The following TTC28 variants were observed in gnomAD, a reference collection of about 807,000 sequenced individuals.
TTC28 encodes the protein tetratricopeptide repeat protein 28.
In TTC28, 61 loss-of-function variants were observed where a neutral mutation model predicts 198.0. That is an observed-to-expected ratio of 0.31 (90% CI 0.25 to 0.38). TTC28 has a LOEUF of 0.38. Among genes scored for constraint, TTC28 ranks in the 10% least tolerant of loss-of-function variants. The pLI is 1.00. For synonymous variants in TTC28, 1,171 were observed against 1,297.8 expected (o/e 0.90, Z 2.10); for missense variants, 2,678 against 3,164.0 (o/e 0.85, Z 3.69).
At chr22:28,621,448 C>T (rs1468318114) in intron 2 of TTC28, among the ~76,000 whole-genome samples, 1 of 151,794 alleles carries the variant, frequency 6.6e-6, no homozygotes, top group East Asian at 1.9e-4. Flanking sequence ...GGCCTCATGG[C>T]TCATGACTAT....
chr22:28,363,894 T>C (rs1179488138), intron 2 of TTC28, among the ~76,000 whole-genome samples: 1 of 152,218 alleles, frequency 6.6e-6, no homozygotes, highest in Non-Finnish European at 1.5e-5. Flanking sequence ...CCATTATATC[T>C]AGGAAGTAAC....
At chr22:28,381,907 C>T (rs78804403) in intron 2 of TTC28, among the ~76,000 whole-genome samples, 5,991 of 152,192 alleles carry the variant, frequency 0.039, 151 homozygotes, top group East Asian at 0.054. Context: ...TCTCTTCAAT[C>T]TCCATGCTAC....
chr22:28,206,596 T>C (rs1238610689), intron 5 of TTC28, among the ~76,000 whole-genome samples: 3 of 152,192 alleles, frequency 2.0e-5, no homozygotes, highest in African/African-American at 7.2e-5. Context: ...TTGTAGTAGA[T>C]GAGCTCTGAT....
rs71194779 is a variant in TTC28 at position 28,590,034 on chromosome 22, C to CAAAAAAAAAA, written c.381+39508_381+39517dup. Among the ~76,000 whole-genome samples, 37 of 68,054 alleles carry CAAAAAAAAAA rather than the reference C, an allele frequency of 5.4e-4. 1 individual carries two copies. The highest frequency in any genetic ancestry group is 1.6e-3 in the African/African-American group (16 of 9,742). 44.6% of individuals were successfully genotyped at this position (68,054 alleles called of 152,430 possible). A position where few individuals can be genotyped will look rare whatever the true frequency, so the allele number is the denominator to read the frequency against. On this transcript the variant is annotated intron_variant, in intron 2 of 22. Coordinates refer to ENST00000397906, the MANE Select transcript of TTC28 (RefSeq NM_001145418.2). ...CCTGGGCAACAGAACAAGACTCCATCAAAAAAAAAAAAAAAAAAAAAAAAA... is the reference window on the plus strand; with the variant it reads ...CCTGGGCAACAGAACAAGACTCCATCAAAAAAAAAAAAAAAAAAAAAAAAAAAAAAAAAAA...
intron 2 of TTC28, among the ~76,000 whole-genome samples, chr22:28,326,975 A>AACACACACACACACAC (rs57349023): frequency 1.4e-5 from 2 of 142,840 alleles, no homozygotes; most frequent in Admixed American, 7.0e-5. Context: ...CACAAACACA[A>AACACACACACACACAC]ACACACACAC....
At chr22:28,505,922 T>G (rs954658575) in intron 2 of TTC28, among the ~76,000 whole-genome samples, 3 of 152,154 alleles carry the variant, frequency 2.0e-5, no homozygotes, top group African/African-American at 7.2e-5. Flanking sequence ...GGCCACCGTC[T>G]CCGTGGTTCA....
At chr22:28,158,447 G>C (rs1372411457) in intron 6 of TTC28, among the ~76,000 whole-genome samples, 1 of 152,050 alleles carries the variant, frequency 6.6e-6, no homozygotes, top group Non-Finnish European at 1.5e-5. Context: ...ACCCAGAATA[G>C]CCAAAGCTAT....
intron 1 of TTC28, among the ~76,000 whole-genome samples, chr22:28,658,470 A>G (rs2051693448): frequency 6.6e-6 from 1 of 152,232 alleles, no homozygotes; most frequent in Non-Finnish European, 1.5e-5. Flanking sequence ...ATGATTTGAA[A>G]CATGGCAGCA....
At chr22:28,322,062 C>G (rs2045455166) in intron 2 of TTC28, among the ~76,000 whole-genome samples, 1 of 152,084 alleles carries the variant, frequency 6.6e-6, no homozygotes, top group Non-Finnish European at 1.5e-5. Context: ...GAACTTGTGA[C>G]CCTGTGATCT....
intron 2 of TTC28, among the ~76,000 whole-genome samples, chr22:28,430,746 CAGTT>C (rs746678392): frequency 6.6e-6 from 1 of 151,990 alleles, no homozygotes; most frequent in Non-Finnish European, 1.5e-5. Context: ...GGAGAAAAAC[CAGTT>C]ACTCATTGGG....
chr22:28,601,646 G>C (rs1261677705), intron 2 of TTC28, among the ~76,000 whole-genome samples: 1 of 151,996 alleles, frequency 6.6e-6, no homozygotes, highest in Non-Finnish European at 1.5e-5. Context: ...GGAGGTCCTG[G>C]AACCAATCTC....
At chr22:28,266,124 G>A (rs1034538129) in intron 5 of TTC28, among the ~76,000 whole-genome samples, 7 of 150,344 alleles carry the variant, frequency 4.7e-5, no homozygotes, top group Admixed American at 1.3e-4. Context: ...AGGTTGCAGT[G>A]AGCCAAGATC....
intron 2 of TTC28, among the ~76,000 whole-genome samples, chr22:28,452,116 G>A (rs187469330): frequency 1.6e-3 from 244 of 152,132 alleles, no homozygotes; most frequent in African/African-American, 5.4e-3. Context: ...CTGGCCAGGC[G>A]CGATGGCTCA....
At chr22:28,131,456 T>C (rs1943058176) in intron 6 of TTC28, among the ~76,000 whole-genome samples, 1 of 152,252 alleles carries the variant, frequency 6.6e-6, no homozygotes, top group Non-Finnish European at 1.5e-5. Flanking sequence ...CACCGTAGCA[T>C]GCTGGTTGTT....
intron 2 of TTC28, among the ~76,000 whole-genome samples, chr22:28,618,936 A>G (rs1236869667): frequency 6.6e-6 from 1 of 152,078 alleles, no homozygotes; most frequent in East Asian, 1.9e-4. Flanking sequence ...TAAACTATTC[A>G]CAAGCATATA....
At chr22:28,377,325 C>T (rs2046428113) in intron 2 of TTC28, among the ~76,000 whole-genome samples, 1 of 149,812 alleles carries the variant, frequency 6.7e-6, no homozygotes, top group African/African-American at 2.4e-5. Context: ...AAGCAATCCT[C>T]CTACCTCAGC....
At chr22:28,610,280 T>C (rs1025237580) in intron 2 of TTC28, among the ~76,000 whole-genome samples, 1 of 152,178 alleles carries the variant, frequency 6.6e-6, no homozygotes, top group Admixed American at 6.5e-5. Context: ...CTGACTCCCA[T>C]GTGTCCTGAC....
intron 2 of TTC28, among the ~76,000 whole-genome samples, chr22:28,351,137 G>A (rs188833963): frequency 7.9e-5 from 12 of 151,936 alleles, no homozygotes; most frequent in African/African-American, 1.5e-4. Context: ...AGCCGAGATC[G>A]TGCCACTGCA....
chr22:28,031,887 A>T (rs991891845), intron 12 of TTC28, among the ~76,000 whole-genome samples: 1 of 152,018 alleles, frequency 6.6e-6, no homozygotes, highest in African/African-American at 2.4e-5. Flanking sequence ...CTGCTTATCC[A>T]TTGAAGGCCT....
Sources: allele counts gnomAD v4.1 joint callset (sites outside exome capture counted in the v4.1 genomes callset), GRCh38; gene constraint gnomAD v4.1.1; transcripts MANE v1.5; gene names NCBI Gene and HGNC (gene_info 2026-07-23, HGNC 2026-07-21).